The following TCF7L2 variants were observed in gnomAD, a reference collection of about 807,000 sequenced individuals.
TCF7L2 encodes transcription factor 7 like 2.
In TCF7L2, 23 loss-of-function variants were observed where a neutral mutation model predicts 77.9. That is an observed-to-expected ratio of 0.30 (90% CI 0.21 to 0.42). TCF7L2 has a LOEUF of 0.42. Among genes scored for constraint, TCF7L2 ranks in the 10% least tolerant of loss-of-function variants. The pLI is 1.00. For synonymous variants in TCF7L2, 413 were observed against 340.2 expected, an observed-to-expected ratio of 1.21 and a Z score of -2.36; for missense variants, 654 against 793.1, an observed-to-expected ratio of 0.82 and a Z score of 2.11.
At chr10:112,964,262 G>T (rs1406543090) in intron 3 of TCF7L2, among the ~76,000 whole-genome samples, 1 of 151,974 alleles carries the variant, frequency 6.6e-6, no homozygotes, top group African/African-American at 2.4e-5. Context: ...GTCTTAATGG[G>T]CATCCGTCTT....
chr10:113,024,541 G>A (rs1220554405), intron 4 of TCF7L2, among the ~76,000 whole-genome samples: 4 of 151,180 alleles, frequency 2.6e-5, no homozygotes, highest in Non-Finnish European at 4.4e-5. Context: ...TGGAATATTC[G>A]CATATACATA....
intron 6 of TCF7L2, among the ~76,000 whole-genome samples, chr10:113,141,623 C>G (rs1421989667): frequency 6.6e-6 from 1 of 152,160 alleles, no homozygotes; most frequent in East Asian, 1.9e-4. Context: ...CAGTATGTTT[C>G]AGGAGTGGCT....
intron 4 of TCF7L2, among the ~76,000 whole-genome samples, chr10:112,997,733 G>A (rs1372321868): frequency 1.4e-4 from 22 of 152,132 alleles, no homozygotes; most frequent in Admixed American, 1.4e-3. Flanking sequence ...TCCATCTTAG[G>A]ACTGGAGTCA....
chr10:112,969,947 G>A (rs994392067), intron 4 of TCF7L2, among the ~76,000 whole-genome samples: 1 of 152,204 alleles, frequency 6.6e-6, no homozygotes, highest in Admixed American at 6.5e-5. Flanking sequence ...AAACCTATGA[G>A]CACTGTTGTG....
rs183833098 is a variant in TCF7L2 at position 113,126,163 on chromosome 10, A to G, written c.553-15021A>G. 3.3e-5 allele frequency: 5 copies of G among 151,318 alleles called. No individual in the cohort carries two copies. The East Asian group carries it at 9.7e-4, about 29-fold the overall frequency. 9.4% of individuals were successfully genotyped at this position (151,318 alleles called of 1,614,324 possible). On this transcript the variant is annotated intron_variant, in intron 5 of 13. Coordinates refer to ENST00000627217, the MANE Select transcript of TCF7L2 (RefSeq NM_001146274.2). ...AATGTTATACAGTAAATTGTTCTGA[A>G]TTCTTTTACATATGGGTGTTTTTAA...
chr10:112,961,134 C>T (rs2034997740), intron 3 of TCF7L2, among the ~76,000 whole-genome samples: 1 of 152,132 alleles, frequency 6.6e-6, no homozygotes, highest in Non-Finnish European at 1.5e-5. Flanking sequence ...CTGCCTCAGC[C>T]TCCCTCATAG....
chr10:113,111,865 A>C (rs574057190), intron 5 of TCF7L2, among the ~76,000 whole-genome samples: 7 of 152,120 alleles, frequency 4.6e-5, no homozygotes, highest in Non-Finnish European at 7.4e-5. Context: ...AAATCCTCTG[A>C]GCTTGTTTGT....
intron 4 of TCF7L2, among the ~76,000 whole-genome samples, chr10:113,000,755 G>A (rs1425579853): frequency 6.6e-6 from 1 of 152,182 alleles, no homozygotes; most frequent in African/African-American, 2.4e-5. Flanking sequence ...ACATGAGTGT[G>A]AGATATGGAT....
At chr10:113,085,620 C>A (rs143983787) in intron 5 of TCF7L2, among the ~76,000 whole-genome samples, 342 of 152,272 alleles carry the variant, frequency 2.2e-3, no homozygotes, top group African/African-American at 7.6e-3. Context: ...ACAAATATTA[C>A]TACGACTTTA....
chr10:113,129,903 T>C, intron 5 of TCF7L2: 1 of 1,292,808 alleles, frequency 7.7e-7, no homozygotes. Context: ...GAATGGAAGA[T>C]TTGAGTGGTA....
intron 11 of TCF7L2, among the ~76,000 whole-genome samples, chr10:113,156,436 A>G (rs993177544): frequency 9.2e-5 from 14 of 152,126 alleles, no homozygotes; most frequent in African/African-American, 3.4e-4. Flanking sequence ...TCTGCCTATC[A>G]TTGTCTTTTT....
At chr10:113,030,059 C>T (rs548038302) in intron 4 of TCF7L2, among the ~76,000 whole-genome samples, 1 of 152,182 alleles carries the variant, frequency 6.6e-6, no homozygotes, top group South Asian at 2.1e-4. Flanking sequence ...ACACTGTAAC[C>T]CTAGCAGCCA....
intron 13 of TCF7L2, among the ~76,000 whole-genome samples, chr10:113,162,625 C>A (rs915410419): frequency 6.6e-6 from 1 of 152,198 alleles, no homozygotes; most frequent in African/African-American, 2.4e-5. Context: ...AGACGCTGAG[C>A]CCCTGGTCCT....
chr10:112,989,257 G>T (rs1042548924), intron 4 of TCF7L2, among the ~76,000 whole-genome samples: 1 of 151,794 alleles, frequency 6.6e-6, no homozygotes, highest in Non-Finnish European at 1.5e-5. Context: ...TCTCTGGCTG[G>T]AGTGACTGAG....
intron 3 of TCF7L2, among the ~76,000 whole-genome samples, chr10:112,958,451 C>G (rs1158507976): frequency 1.3e-5 from 2 of 152,010 alleles, no homozygotes; most frequent in African/African-American, 2.4e-5. Context: ...CCCTCTCTTG[C>G]AGTCTTCAGC....
intron 3 of TCF7L2, among the ~76,000 whole-genome samples, chr10:112,953,304 T>C (rs947646767): frequency 6.6e-6 from 1 of 152,124 alleles, no homozygotes; most frequent in Non-Finnish European, 1.5e-5. Context: ...GCGGTTCGGC[T>C]CAACCCCCTT....
Position 113,008,245 on chromosome 10 carries a change from C to T in TCF7L2, c.451-31780C>T, listed in dbSNP as rs1218792292. On this transcript the variant is annotated intron_variant, in intron 4 of 13. Transcript: ENST00000627217. ...ATTCTATTTGGCATACGATTCAACT[C>T]TGGGGATGGTCATCTTCCCCACACC... 2.6e-5 allele frequency among the ~76,000 whole-genome samples: 4 copies of T among 152,180 alleles called. No homozygotes were observed. The South Asian group carries it at 8.3e-4, about 32-fold the overall frequency.
At chr10:112,966,184 T>TTATATATATTTATATA (rs1477073663) in intron 4 of TCF7L2, among the ~76,000 whole-genome samples, 5,922 of 114,140 alleles carry the variant, frequency 0.052, 338 homozygotes, top group East Asian at 0.074. Context: ...TAAAATATAT[T>TTATATATATTTATATA]TATATATATA....
chr10:113,163,461 T>A (rs984554277), intron 13 of TCF7L2, among the ~76,000 whole-genome samples: 1 of 152,176 alleles, frequency 6.6e-6, no homozygotes, highest in African/African-American at 2.4e-5. Context: ...TCTCTGTTTT[T>A]CTCTGTTGCT....
Sources: allele counts gnomAD v4.1 joint callset (sites outside exome capture counted in the v4.1 genomes callset), GRCh38; gene constraint gnomAD v4.1.1; transcripts MANE v1.5; gene names NCBI Gene and HGNC (gene_info 2026-07-23, HGNC 2026-07-21).